The following ADAR variants were observed in gnomAD, a reference collection of about 807,000 sequenced individuals.
ADAR encodes the protein adenosine deaminase RNA specific.
A neutral mutation model predicts 113.2 loss-of-function variants in ADAR; 41 were observed. The observed-to-expected ratio is 0.36, with a 90% CI of 0.28 to 0.47. ADAR has a LOEUF of 0.47. ADAR is among the 20% of genes least tolerant of loss of function. The pLI, the probability that ADAR is intolerant of heterozygous loss-of-function variation, is 1.00. For synonymous variants in ADAR, 605 were observed against 572.6 expected (o/e 1.06, Z -0.81); for missense variants, 1,242 against 1,540.9 (o/e 0.81, Z 3.25).
rs903728144 is a variant in ADAR, at chr1:154,582,200, T to TC, written c.*2605dup. 1 of 152,014 alleles carries TC rather than the reference T, an allele frequency of 6.6e-6. No homozygotes were observed. The highest frequency in any genetic ancestry group is 2.4e-5 in the African/African-American group (1 of 41,230). The allele number at this position is 152,014 out of a possible 1,614,324, so 9.4% of individuals were successfully genotyped here. A position where few individuals can be genotyped will look rare whatever the true frequency, so the allele number is the denominator to read the frequency against. On this transcript the variant is annotated 3_prime_UTR_variant, in exon 15 of 15. Coordinates refer to ENST00000368474, the MANE Select transcript of ADAR (RefSeq NM_001111.5). ...CAGTACCCGAGTCTATGCTTGGGGG[T>TC]CTTCCTCACTCTGCTCTTGGAGTCA...
intron 1 of ADAR, among the ~76,000 whole-genome samples, chr1:154,619,207 G>A (rs912897863): frequency 6.6e-6 from 1 of 152,180 alleles, no homozygotes; most frequent in African/African-American, 2.4e-5. Flanking sequence ...AGAAGGCCAG[G>A]TTCCCTCCCC....
chr1:154,603,295 G>A lies in ADAR; in HGVS notation c.16-669C>T, dbSNP rs540603168. Among the ~76,000 whole-genome samples the A allele has an allele frequency of 2.0e-5, 3 of 152,332 alleles. No individual in the cohort carries two copies. In the South Asian group the frequency reaches 6.2e-4, roughly 32 times the overall value. ...GCCACGGGACCTCAGAGTCATCTCT[G>A]TGGCTCTTCACTGCCATCCCAGGAG... On this transcript the variant is annotated intron_variant, in intron 1 of 14. Transcript: ENST00000368474.
At position 154,584,619 on chromosome 1, in the gene ADAR, C is replaced by T; in HGVS notation, c.*187G>A. The T allele has an allele frequency of 6.4e-6, 4 of 625,550 alleles. No homozygotes were observed. The highest frequency in any genetic ancestry group is 1.1e-5 in the Non-Finnish European group (4 of 355,330). 38.7% of individuals were successfully genotyped at this position (625,550 alleles called of 1,614,324 possible). On this transcript the variant is annotated 3_prime_UTR_variant, in exon 15 of 15. Coordinates refer to ENST00000368474, the MANE Select transcript of ADAR (RefSeq NM_001111.5). The stretch of plus-strand genomic sequence containing the variant: ...GGAAAAAAGGGGGGCCTGGCCAGAC[C>T]TTGCCTAGCAATCCCAAAGAAAGCA...
At chr1:154,587,112 C>G (rs1052109206) in intron 11 of ADAR, among the ~76,000 whole-genome samples, 2 of 152,164 alleles carry the variant, frequency 1.3e-5, no homozygotes, top group Admixed American at 1.3e-4. Flanking sequence ...AAAAAGAAAC[C>G]TTCTACCCAT....
At chr1:154,607,971 T>A in intron 1 of ADAR, 21 bp downstream of exon 1, 1 of 1,611,452 alleles carries the variant, frequency 6.2e-7, no homozygotes, top group Non-Finnish European at 8.5e-7. Flanking sequence ...GCGGCGAAGG[T>A]CCAAGGCCGG....
At chr1:154,613,904 CAAAA>C (rs1553216901) in intron 1 of ADAR, among the ~76,000 whole-genome samples, 2 of 124,262 alleles carry the variant, frequency 1.6e-5, no homozygotes, top group Admixed American at 8.1e-5. Flanking sequence ...AACTCCATCT[CAAAA>C]AAAAAAAAAA....
At chr1:154,599,289 T>A (rs370871411) in intron 2 of ADAR, among the ~76,000 whole-genome samples, 274 of 152,364 alleles carry the variant, frequency 1.8e-3, no homozygotes, top group African/African-American at 6.3e-3. Flanking sequence ...TGGGATTTCA[T>A]TTAGAAAAGT....
rs1571112467 is a variant in ADAR, at chr1:154,602,422, T to C, written c.220A>G (p.Arg74Gly). Residue 74 changes from arginine (R) to glycine (G), a missense_variant, in exon 2 of 15, where the codon AGG becomes GGG. Arg to Gly is a moderately radical substitution (Grantham distance 125). Coordinates refer to ENST00000368474, the MANE Select transcript of ADAR (RefSeq NM_001111.5). ...CTGGAGGCAAGTAGTACTGGAAACC[T>C]TGGCCGGAGTCCTGGGAGGGAAGGT... ...LPPSLPGLRP[R>G]FPVLLASSTR... is the part of the protein sequence containing the mutation. 6.2e-7 allele frequency: 1 copy of C among 1,608,784 alleles called. No individual in the cohort carries two copies. Among genetic ancestry groups the C allele is most frequent in the Admixed American group, 1.7e-5 (1 of 59,812 alleles).
chr1:154,590,658 T>C (rs781414854), intron 6 of ADAR, among the ~76,000 whole-genome samples: 28 of 152,062 alleles, frequency 1.8e-4, no homozygotes, highest in African/African-American at 4.1e-4. Context: ...GAGCCAGCCA[T>C]TGTGGCTCAC....
chr1:154,616,694 T>C (rs1698644049), intron 1 of ADAR, among the ~76,000 whole-genome samples: 1 of 152,242 alleles, frequency 6.6e-6, no homozygotes, highest in Non-Finnish European at 1.5e-5. Context: ...GCTAGGGCTA[T>C]ACAAGTGTTT....
intron 1 of ADAR, among the ~76,000 whole-genome samples, chr1:154,603,693 T>C (rs541577258): frequency 2.4e-4 from 36 of 152,180 alleles, no homozygotes; most frequent in Admixed American, 3.9e-4. Context: ...TGGAGGGTGA[T>C]GGAGCCAGGA....
intron 6 of ADAR, among the ~76,000 whole-genome samples, chr1:154,591,758 C>T (rs1000457621): frequency 4.6e-5 from 7 of 152,266 alleles, no homozygotes; most frequent in South Asian, 2.1e-4. Context: ...AAGGAATCAA[C>T]GTTTATGTTC....
chr1:154,604,093 T>C (rs1698046067), intron 1 of ADAR, among the ~76,000 whole-genome samples: 1 of 152,216 alleles, frequency 6.6e-6, no homozygotes, highest in Non-Finnish European at 1.5e-5. Context: ...CAGTGGCTGA[T>C]AAACTTTTTC....
chr1:154,584,890 G>A lies in ADAR; in HGVS notation c.3597C>T (p.Phe1199=), dbSNP rs1409221894. The A allele has an allele frequency of 6.2e-7, 1 of 1,614,136 alleles. No individual in the cohort carries two copies. Among genetic ancestry groups the A allele is most frequent in the East Asian group, 2.2e-5 (1 of 44,882 alleles). The change falls in exon 15 of 15, where the codon TTC becomes TTT. Residue 1199 remains phenylalanine (F), a synonymous_variant. Coordinates refer to ENST00000368474, the MANE Select transcript of ADAR (RefSeq NM_001111.5). ...AGCCCATATCCTTCAGGCCTTTTTT[G>A]AAGTAGTTCTTGGCCGTCTCGTAGT... The part of the protein sequence containing the change: ...ARDYETAKNY[F]KKGLKDMGYG...
At position 154,626,848 on chromosome 1, in the gene ADAR, CTGTT is replaced by C. The variant is rs1364261754; in HGVS notation, c.-871+1003_-871+1006del. Among the ~76,000 whole-genome samples the C allele has an allele frequency of 3.9e-5, 6 of 152,196 alleles. No homozygotes were observed. The South Asian group carries it at 6.2e-4, about 16-fold the overall frequency. On this transcript the variant is annotated intron_variant, in intron 1 of 14. Coordinates refer to the ADAR transcript ENST00000368471. Reference sequence around the variant, plus strand: ...CTTTTTCCCATATAGCAAGCACTAACTGTTTGTAAATAACGACCAAGATATTTCA... The same window carrying C: ...CTTTTTCCCATATAGCAAGCACTAACTGTAAATAACGACCAAGATATTTCA...
intron 1 of ADAR, among the ~76,000 whole-genome samples, chr1:154,621,546 G>A (rs555056374): frequency 6.6e-6 from 1 of 152,112 alleles, no homozygotes; most frequent in Non-Finnish European, 1.5e-5. Context: ...CACAATAAGT[G>A]AATAGACAAA....
chr1:154,595,311 G>C (rs1697421725), intron 6 of ADAR, among the ~76,000 whole-genome samples: 1 of 152,146 alleles, frequency 6.6e-6, no homozygotes, highest in African/African-American at 2.4e-5. Context: ...AAAAGCCTCA[G>C]GCAGGTATTC....
intron 1 of ADAR, among the ~76,000 whole-genome samples, chr1:154,613,852 C>T (rs112237216): frequency 1.3e-4 from 20 of 148,210 alleles, no homozygotes; most frequent in African/African-American, 4.0e-4. Context: ...TGCAGTGAGC[C>T]GAGATCGCAC....
Position 154,588,161 on chromosome 1 carries a change from G to C in ADAR, c.2983C>G (p.Pro995Ala), listed in dbSNP as rs141845627. The change falls in exon 11 of 15, where the codon CCC becomes GCC. Residue 995 changes from proline (P) to alanine (A), a missense_variant. Transcript: ENST00000368474. ...ESRHYPVFEN[P>A]KQGKLRTKVE... Reference sequence around the variant, plus strand: ...TTGGTGCGGAGCTTTCCTTGTTTGGGATTCTCGAAGACAGGGTAGTGGCGG... The same window carrying C: ...TTGGTGCGGAGCTTTCCTTGTTTGGCATTCTCGAAGACAGGGTAGTGGCGG... 6.2e-7 allele frequency: 1 copy of C among 1,613,998 alleles called. No individual in the cohort carries two copies. Among genetic ancestry groups the C allele is most frequent in the Non-Finnish European group, 8.5e-7 (1 of 1,180,038 alleles).
Sources: allele counts gnomAD v4.1 joint callset (sites outside exome capture counted in the v4.1 genomes callset), GRCh38; gene constraint gnomAD v4.1.1; transcripts MANE v1.5; gene names NCBI Gene and HGNC (gene_info 2026-07-23, HGNC 2026-07-21).